Variants in CLIC4 observed in about 807,000 individuals in gnomAD.
CLIC4 encodes CLIC family member 4.
Under a neutral mutation model 24.6 loss-of-function variants are expected in CLIC4, and 13 were observed. The ratio of observed to expected loss-of-function variants is 0.53; its 90% confidence interval spans 0.34 to 0.84. The LOEUF (loss-of-function observed/expected upper bound fraction) is 0.84, where lower values mean the gene tolerates loss of function less well. CLIC4 is among the 40% of genes least tolerant of loss of function. The probability of loss-of-function intolerance (pLI) is 0.01; values close to 1 mark genes in which losing one functional copy is unlikely to be tolerated. For synonymous variants in CLIC4, 104 were observed against 111.3 expected, an observed-to-expected ratio of 0.93 and a Z score of 0.41; for missense variants, 227 against 301.7, an observed-to-expected ratio of 0.75 and a Z score of 1.83.
At chr1:24,811,333 G>T (rs747141834) in intron 2 of CLIC4, among the ~76,000 whole-genome samples, 1 of 152,112 alleles carries the variant, frequency 6.6e-6, no homozygotes, top group African/African-American at 2.4e-5. Context: ...ATATGTGCAC[G>T]AGAGGAGAAT....
At chr1:24,769,229 A>G (rs900976091) in intron 1 of CLIC4, among the ~76,000 whole-genome samples, 7 of 152,142 alleles carry the variant, frequency 4.6e-5, no homozygotes, top group African/African-American at 1.7e-4. Flanking sequence ...GAAGCTACTT[A>G]ATTTATCACT....
intron 4 of CLIC4, among the ~76,000 whole-genome samples, chr1:24,831,419 A>G (rs944877050): frequency 1.3e-5 from 2 of 152,178 alleles, no homozygotes; most frequent in Non-Finnish European, 2.9e-5. Flanking sequence ...TTTTATATAT[A>G]TAATTCAGGA....
chr1:24,815,363 G>A (rs182689351), intron 3 of CLIC4, among the ~76,000 whole-genome samples: 5 of 152,088 alleles, frequency 3.3e-5, no homozygotes, highest in East Asian at 1.9e-4. Flanking sequence ...TTAGCTGGGC[G>A]TGGTGGCAGG....
intron 2 of CLIC4, among the ~76,000 whole-genome samples, chr1:24,809,643 T>A (rs765966501): frequency 6.6e-6 from 1 of 152,104 alleles, no homozygotes; most frequent in Non-Finnish European, 1.5e-5. Flanking sequence ...ATATTTTTAG[T>A]AGAGATGGGG....
chr1:24,802,981 T>C (rs756292286), intron 2 of CLIC4, among the ~76,000 whole-genome samples: 8 of 152,178 alleles, frequency 5.3e-5, no homozygotes, highest in Non-Finnish European at 8.8e-5. Context: ...AGTGCTGGGA[T>C]TACAGACTTT....
In CLIC4 at chr1:24,807,067, C is replaced by A. The variant is rs538164358; in HGVS notation, c.183-7027C>A. Among the ~76,000 whole-genome samples the A allele has an allele frequency of 1.9e-4, 29 of 151,934 alleles. No individual in the cohort carries two copies. In the East Asian group the frequency reaches 2.5e-3, roughly 13 times the overall value. ...GTCCCAGCTACTTGCAGCTGAGGAT[C>A]ATTTGAGACCAGGAGTTTGAGGACA... On this transcript the variant is annotated intron_variant, in intron 2 of 5. Transcript: ENST00000374379.
At chr1:24,749,744 G>A (rs530320594) in intron 1 of CLIC4, among the ~76,000 whole-genome samples, 2 of 152,144 alleles carry the variant, frequency 1.3e-5, no homozygotes, top group African/African-American at 4.8e-5. Context: ...AATCTTTTGA[G>A]CGCAGGAGTT....
intron 1 of CLIC4, among the ~76,000 whole-genome samples, chr1:24,752,877 C>T (rs1017763436): frequency 6.6e-6 from 1 of 152,174 alleles, no homozygotes; most frequent in African/African-American, 2.4e-5. Context: ...CGCGTGCCAC[C>T]ATGCTCAGCT....
intron 2 of CLIC4, among the ~76,000 whole-genome samples, chr1:24,807,160 A>T (rs574772163): frequency 1.3e-5 from 2 of 152,218 alleles, no homozygotes; most frequent in African/African-American, 4.8e-5. Flanking sequence ...ATAAAAATTT[A>T]AAAAATTAAG....
At chr1:24,824,368 A>G (rs1250850318) in intron 3 of CLIC4, among the ~76,000 whole-genome samples, 1 of 152,166 alleles carries the variant, frequency 6.6e-6, no homozygotes, top group Non-Finnish European at 1.5e-5. Context: ...CCTGGTCTCA[A>G]GCAATTCTCC....
Position 24,779,111 on chromosome 1 carries a change from C to T in CLIC4, c.73-18631C>T, listed in dbSNP as rs368293110. Among the ~76,000 whole-genome samples, 21 of 152,106 alleles carry T rather than the reference C, an allele frequency of 1.4e-4. No individual in the cohort carries two copies. In the South Asian group the frequency reaches 4.2e-3, roughly 30 times the overall value. On this transcript the variant is annotated intron_variant, in intron 1 of 5. Coordinates refer to ENST00000374379, the MANE Select transcript of CLIC4 (RefSeq NM_013943.3). ...CATTAAAAAAATAATTTTCTTAAAT[C>T]TACAAAGAATAGAAAAGAAAAACAT...
chr1:24,753,944 A>C (rs1469800655), intron 1 of CLIC4, among the ~76,000 whole-genome samples: 1 of 152,194 alleles, frequency 6.6e-6, no homozygotes, highest in Non-Finnish European at 1.5e-5. Context: ...TGATGCTGAA[A>C]ACTGTTCTGG....
At chr1:24,813,918 AT>A (rs1239476469) in intron 2 of CLIC4, among the ~76,000 whole-genome samples, 175 bp from the exon 3 acceptor site, 2 of 151,836 alleles carry the variant, frequency 1.3e-5, no homozygotes, top group Non-Finnish European at 2.9e-5. Context: ...GGATCTTACC[AT>A]GTTGCCCAGG....
chr1:24,840,624 T>TG (rs1639932436), intron 5 of CLIC4, 149 bp from the exon 6 acceptor site: 1 of 616,002 alleles, frequency 1.6e-6, no homozygotes, highest in African/African-American at 1.9e-5. Context: ...TTTAAAACTC[T>TG]GGTTAGAATG....
intron 1 of CLIC4, among the ~76,000 whole-genome samples, chr1:24,789,258 C>T (rs942943479): frequency 3.9e-5 from 6 of 152,246 alleles, no homozygotes; most frequent in African/African-American, 1.4e-4. Context: ...AGGCTCACGC[C>T]TGTAATCCCA....
chr1:24,826,957 T>C, intron 3 of CLIC4, 53 bp from the exon 4 acceptor site: 1 of 1,267,524 alleles, frequency 7.9e-7, no homozygotes, highest in South Asian at 1.3e-5. Context: ...TGAGAGAACT[T>C]ATGCTAATTC....
Position 24,756,901 on chromosome 1 carries a change from G to GT in CLIC4, c.72+11287dup, listed in dbSNP as rs551557337. Among the ~76,000 whole-genome samples, 643 of 134,310 alleles carry GT rather than the reference G, an allele frequency of 4.8e-3. 2 individuals carry two copies. The highest frequency in any genetic ancestry group is 0.037 in the Middle Eastern group (10 of 272). 88.1% of individuals were successfully genotyped at this position (134,310 alleles called of 152,430 possible). Reference sequence around the variant, plus strand: ...ATGCCTGGCTAGTTTTTTTTTTAATGTTTTTTTTTTTGAGACGGAGTTTCG... The same window carrying GT: ...ATGCCTGGCTAGTTTTTTTTTTAATGTTTTTTTTTTTTGAGACGGAGTTTCG... On this transcript the variant is annotated intron_variant, in intron 1 of 5. Coordinates refer to ENST00000374379, the MANE Select transcript of CLIC4 (RefSeq NM_013943.3).
At chr1:24,752,479 G>A (rs1638788822) in intron 1 of CLIC4, among the ~76,000 whole-genome samples, 1 of 152,146 alleles carries the variant, frequency 6.6e-6, no homozygotes. Context: ...AAGTTGGTGG[G>A]TGACAAGTAC....
chr1:24,795,237 A>G (rs1276291992), intron 1 of CLIC4, among the ~76,000 whole-genome samples: 3 of 152,208 alleles, frequency 2.0e-5, no homozygotes, highest in Non-Finnish European at 4.4e-5. Context: ...ATGGGACTAT[A>G]AAAGATTTGT....
Sources: gnomAD v4.1 joint callset for allele counts (sites outside exome capture counted in the v4.1 genomes callset) on GRCh38, gnomAD v4.1.1 for gene constraint, MANE v1.5 for transcripts, NCBI Gene and HGNC (gene_info 2026-07-23, HGNC 2026-07-21) for gene names.